The following VAV3 variants were observed in gnomAD, a reference collection of about 807,000 sequenced individuals.
The protein encoded by VAV3 is guanine nucleotide exchange factor VAV3.
In VAV3, 94 loss-of-function variants were observed where a neutral mutation model predicts 131.2. The observed-to-expected ratio is 0.72, with a 90% confidence interval of 0.61 to 0.85. The LOEUF is 0.85. VAV3 is among the 40% of genes least tolerant of loss of function. The pLI is 0.00. For synonymous variants in VAV3, 349 were observed against 342.0 expected, an observed-to-expected ratio of 1.02 and a Z score of -0.22; for missense variants, 939 against 1,002.7, an observed-to-expected ratio of 0.94 and a Z score of 0.86.
intron 19 of VAV3, among the ~76,000 whole-genome samples, chr1:107,671,325 A>G (rs1657777631): frequency 6.6e-6 from 1 of 152,222 alleles, no homozygotes. Flanking sequence ...ATAAGGGGCA[A>G]CATGCCAGGC....
intron 25 of VAV3, among the ~76,000 whole-genome samples, chr1:107,585,430 TTG>T (rs1650404961): frequency 6.6e-6 from 1 of 152,166 alleles, no homozygotes; most frequent in Admixed American, 6.5e-5. Flanking sequence ...TGTTTCTCCT[TTG>T]CCCACATCCC....
intron 20 of VAV3, among the ~76,000 whole-genome samples, chr1:107,631,487 T>C (rs1379686610): frequency 6.6e-6 from 1 of 151,542 alleles, no homozygotes; most frequent in African/African-American, 2.4e-5. Flanking sequence ...TATTTTATTA[T>C]TATTATACTT....
At chr1:107,743,129 G>C (rs1055398212) in intron 15 of VAV3, among the ~76,000 whole-genome samples, 1 of 152,144 alleles carries the variant, frequency 6.6e-6, no homozygotes, top group Non-Finnish European at 1.5e-5. Flanking sequence ...CTGGAAAGAT[G>C]GGTGGGATAA....
rs749808685 is a variant in VAV3, at chr1:107,573,288, T to C, written c.*43A>G. The C allele has an allele frequency of 6.2e-7, 1 of 1,608,564 alleles. No homozygotes were observed. Among genetic ancestry groups the C allele is most frequent in the Non-Finnish European group, 8.5e-7 (1 of 1,177,798 alleles). ...TGCTGTGCAGGCTTCTATTTATCCC[T>C]TCTCTGAAATTTTTGGTGCAGGGTG... is the stretch of plus-strand genomic sequence containing the variant. On this transcript the variant is annotated 3_prime_UTR_variant, in exon 27 of 27. Coordinates refer to ENST00000370056, the MANE Select transcript of VAV3 (RefSeq NM_006113.5).
chr1:107,791,062 G>A (rs1162938160), intron 2 of VAV3, among the ~76,000 whole-genome samples: 5 of 151,976 alleles, frequency 3.3e-5, no homozygotes, highest in African/African-American at 9.7e-5. Flanking sequence ...TCTATACATC[G>A]ATAGTCTCAC....
At chr1:107,924,788 C>G (rs1363445394) in intron 1 of VAV3, among the ~76,000 whole-genome samples, 2 of 151,994 alleles carry the variant, frequency 1.3e-5, no homozygotes, top group Non-Finnish European at 2.9e-5. Flanking sequence ...CCCTGAGAAC[C>G]CTTGGCATAT....
chr1:107,662,711 T>C (rs1297248269), intron 19 of VAV3, among the ~76,000 whole-genome samples: 7 of 152,182 alleles, frequency 4.6e-5, no homozygotes, highest in Non-Finnish European at 1.0e-4. Flanking sequence ...CGAGGTACCA[T>C]ACTTCCCAGA....
At chr1:107,898,787 C>T (rs190390683) in intron 1 of VAV3, among the ~76,000 whole-genome samples, 6 of 152,204 alleles carry the variant, frequency 3.9e-5, no homozygotes, top group African/African-American at 1.4e-4. Flanking sequence ...AGATTATATA[C>T]TATACATGAA....
At chr1:107,844,501 G>A (rs1044104274) in intron 2 of VAV3, among the ~76,000 whole-genome samples, 1 of 152,158 alleles carries the variant, frequency 6.6e-6, no homozygotes, top group Non-Finnish European at 1.5e-5. Context: ...GGGGGCTGAA[G>A]CCAGGAAGCC....
At chr1:107,720,058 G>A (rs565653540) in intron 15 of VAV3, among the ~76,000 whole-genome samples, 5 of 152,090 alleles carry the variant, frequency 3.3e-5, no homozygotes, top group Non-Finnish European at 7.4e-5. Context: ...AGGCCCTGTC[G>A]TGGGGTCGGG....
At chr1:107,582,980 A>T (rs1650184829) in intron 25 of VAV3, among the ~76,000 whole-genome samples, 1 of 152,142 alleles carries the variant, frequency 6.6e-6, no homozygotes, top group Admixed American at 6.5e-5. Context: ...TCCCTGAGGA[A>T]TTGCCACACT....
At chr1:107,781,964 G>T (rs902365530) in intron 2 of VAV3, among the ~76,000 whole-genome samples, 1 of 152,158 alleles carries the variant, frequency 6.6e-6, no homozygotes, top group Non-Finnish European at 1.5e-5. Flanking sequence ...ACTATTAAGC[G>T]AAAAGTCTAA....
chr1:107,631,241 T>C (rs1220195598), intron 20 of VAV3, among the ~76,000 whole-genome samples: 1 of 151,978 alleles, frequency 6.6e-6, no homozygotes, highest in Non-Finnish European at 1.5e-5. Context: ...CATAATACAT[T>C]TAAATATGAG....
chr1:107,801,125 G>C (rs962075884), intron 2 of VAV3, among the ~76,000 whole-genome samples: 1 of 152,052 alleles, frequency 6.6e-6, no homozygotes, highest in Non-Finnish European at 1.5e-5. Context: ...TGAGTTGGCT[G>C]TAAATGTGTA....
chr1:107,962,324 AG>A (rs1675125744), intron 1 of VAV3, among the ~76,000 whole-genome samples: 1 of 152,180 alleles, frequency 6.6e-6, no homozygotes, highest in Non-Finnish European at 1.5e-5. Context: ...AGAGATGAGT[AG>A]TTAGCGGCAA....
chr1:107,615,115 AT>A (rs1207377713), intron 21 of VAV3, among the ~76,000 whole-genome samples: 1 of 152,172 alleles, frequency 6.6e-6, no homozygotes, highest in African/African-American at 2.4e-5. Context: ...GACAAAAAAT[AT>A]GTAACATTAT....
chr1:107,692,676 T>C (rs1391454642), intron 17 of VAV3, among the ~76,000 whole-genome samples: 2 of 152,138 alleles, frequency 1.3e-5, no homozygotes, highest in Non-Finnish European at 2.9e-5. Context: ...GTCTCTCAGT[T>C]TTAAACCACT....
intron 20 of VAV3, 34 bp from the exon 21 acceptor site, chr1:107,617,666 C>A (rs755374600): frequency 1.3e-6 from 2 of 1,591,712 alleles, no homozygotes; most frequent in South Asian, 2.2e-5. Context: ...GTGTTGAGAA[C>A]AAATTTACCA....
chr1:107,661,794 A>C (rs1657042573), intron 19 of VAV3, among the ~76,000 whole-genome samples: 1 of 152,170 alleles, frequency 6.6e-6, no homozygotes. Flanking sequence ...CTCTATTTCA[A>C]ATAAGGAATG....
Sources: allele counts gnomAD v4.1 joint callset (sites outside exome capture counted in the v4.1 genomes callset), GRCh38; gene constraint gnomAD v4.1.1; transcripts MANE v1.5; gene names NCBI Gene and HGNC (gene_info 2026-07-23, HGNC 2026-07-21).